The following ADARB2 variants were observed in gnomAD, a reference collection of about 807,000 sequenced individuals.
The protein encoded by ADARB2 is adenosine deaminase RNA specific B2 (inactive).
ADARB2 carries 25 observed loss-of-function variants against 62.2 expected under a neutral mutation model. The ratio of observed to expected loss-of-function variants is 0.40; its 90% CI spans 0.29 to 0.56. The LOEUF (loss-of-function observed/expected upper bound fraction) is 0.56. Ranked by LOEUF, ADARB2 falls within the 20% of genes least tolerant of loss-of-function variation. The pLI is 0.43. For missense variants in ADARB2, 1,071 were observed against 1,077.4 expected (o/e 0.99, Z 0.08); for synonymous variants, 572 against 500.8 (o/e 1.14, Z -1.90).
chr10:1,417,911 G>T (rs1832818591), intron 1 of ADARB2, among the ~76,000 whole-genome samples: 1 of 152,214 alleles, frequency 6.6e-6, no homozygotes, highest in Admixed American at 6.5e-5. Flanking sequence ...CAGACGCCAG[G>T]GTGCATGGGG....
intron 1 of ADARB2, among the ~76,000 whole-genome samples, chr10:1,626,786 C>T (rs1201250851): frequency 6.6e-6 from 1 of 152,010 alleles, no homozygotes; most frequent in Non-Finnish European, 1.5e-5. Context: ...TGAAGTGGCC[C>T]GATTGTTACA....
At chr10:1,336,086 A>G (rs1466145600) in intron 3 of ADARB2, among the ~76,000 whole-genome samples, 3 of 152,264 alleles carry the variant, frequency 2.0e-5, no homozygotes, top group Non-Finnish European at 4.4e-5. Flanking sequence ...AAGAAACTCT[A>G]ATATGCAAAC....
chr10:1,442,079 T>C (rs1830912556), intron 1 of ADARB2, among the ~76,000 whole-genome samples: 1 of 152,234 alleles, frequency 6.6e-6, no homozygotes, highest in Non-Finnish European at 1.5e-5. Context: ...AACTATAAAG[T>C]TAAATACCCC....
At chr10:1,380,732 C>T (rs181169351) in intron 1 of ADARB2, among the ~76,000 whole-genome samples, 4 of 152,228 alleles carry the variant, frequency 2.6e-5, no homozygotes, top group South Asian at 2.1e-4. Context: ...TTTGTTCTAC[C>T]GAACAAGAAT....
intron 1 of ADARB2, among the ~76,000 whole-genome samples, chr10:1,490,043 C>T (rs1022750527): frequency 3.9e-5 from 6 of 152,150 alleles, no homozygotes; most frequent in Admixed American, 1.3e-4. Context: ...CAGAAGCACA[C>T]GTTAGCTGTC....
intron 3 of ADARB2, chr10:1,292,971 G>GGAGGGAAGGAGAGAGGGAGGGGAGAGA (rs1239371803): frequency 5.8e-5 from 1 of 17,356 alleles, no homozygotes; most frequent in East Asian, 3.5e-3. Context: ...AGAGGGAGAG[G>GGAGGGAAGGAGAGAGGGAGGGGAGAGA]GAGGGAAGGA....
intron 1 of ADARB2, among the ~76,000 whole-genome samples, chr10:1,609,789 C>T (rs1833544664): frequency 6.6e-6 from 1 of 152,182 alleles, no homozygotes; most frequent in Non-Finnish European, 1.5e-5. Context: ...GAGTGTGTCG[C>T]CCTGTGTCTG....
In ADARB2 at chr10:1,533,738, C is replaced by T. The variant is rs568001286; in HGVS notation, c.101-154578G>A. Among the ~76,000 whole-genome samples the T allele has an allele frequency of 4.6e-5, 7 of 152,282 alleles. No individual in the cohort carries two copies. The South Asian group carries it at 6.2e-4, about 14-fold the overall frequency. ...TGAAAGGAATTTAGGAAAGATCTTA[C>T]GCATATTCCATTTCCTCCTCGGAGT... On this transcript the variant is annotated intron_variant, in intron 1 of 9. Transcript: ENST00000381312.
chr10:1,642,938 G>A (rs1199989833), intron 1 of ADARB2, among the ~76,000 whole-genome samples: 3 of 152,190 alleles, frequency 2.0e-5, no homozygotes, highest in Non-Finnish European at 2.9e-5. Flanking sequence ...CCTCCACCCC[G>A]CGGCCCCCTC....
In ADARB2 at chr10:1,439,577, C is replaced by G. The variant is rs575706314; in HGVS notation, c.101-60417G>C. Among the ~76,000 whole-genome samples, 159 of 90,698 alleles carry G rather than the reference C, an allele frequency of 1.8e-3. 2 individuals carry two copies. Among genetic ancestry groups the G allele is most frequent in the African/African-American group, 4.5e-3 (152 of 33,432 alleles). 59.5% of individuals were successfully genotyped at this position (90,698 alleles called of 152,430 possible). Reference sequence around the variant, plus strand: ...TGGAGGCAGGTCCTTCACTATGGGGCTCCTGAGTCTCTCCCAGGATGGAGG... The same window carrying G: ...TGGAGGCAGGTCCTTCACTATGGGGGTCCTGAGTCTCTCCCAGGATGGAGG... On this transcript the variant is annotated intron_variant, in intron 1 of 9. Coordinates refer to ENST00000381312, the MANE Select transcript of ADARB2 (RefSeq NM_018702.4).
chr10:1,444,874 T>C (rs1032575581), intron 1 of ADARB2, among the ~76,000 whole-genome samples: 10 of 136,972 alleles, frequency 7.3e-5, no homozygotes, highest in Admixed American at 5.1e-4. Context: ...CATCCATCCA[T>C]CTATCCATCC....
chr10:1,335,678 G>A (rs938940862), intron 3 of ADARB2, among the ~76,000 whole-genome samples: 1 of 152,086 alleles, frequency 6.6e-6, no homozygotes, highest in African/African-American at 2.4e-5. Flanking sequence ...TAAAACCTGA[G>A]GAACATTTTG....
At chr10:1,548,994 T>C (rs957535824) in intron 1 of ADARB2, among the ~76,000 whole-genome samples, 4 of 152,192 alleles carry the variant, frequency 2.6e-5, no homozygotes, top group Non-Finnish European at 4.4e-5. Flanking sequence ...TTTGTCATTG[T>C]TCTTGAATTA....
rs1239559030 is a variant in ADARB2, at chr10:1,183,140, C to T, written c.*53G>A. ...GACCCGCCACGTCGCCCCCCAGACACGGTCCCATCCCTCCAGCGTCCCGCT... is the reference window on the plus strand; with the variant it reads ...GACCCGCCACGTCGCCCCCCAGACATGGTCCCATCCCTCCAGCGTCCCGCT... On this transcript the variant is annotated 3_prime_UTR_variant, in exon 10 of 10. Coordinates refer to ENST00000381312, the MANE Select transcript of ADARB2 (RefSeq NM_018702.4). The T allele has an allele frequency of 3.1e-5, 49 of 1,578,926 alleles. No homozygotes were observed. Among genetic ancestry groups the T allele is most frequent in the African/African-American group, 1.2e-4 (9 of 74,022 alleles).
rs542125198 is a variant in ADARB2 at position 1,338,161 on chromosome 10, G to A, written c.1077+24867C>T. Reference sequence around the variant, plus strand: ...ATTGCCCAAACTCTACAGACAGTTCGTTAAAAATAGGGAGTGTCTTAAGGA... The same window carrying A: ...ATTGCCCAAACTCTACAGACAGTTCATTAAAAATAGGGAGTGTCTTAAGGA... On this transcript the variant is annotated intron_variant, in intron 3 of 9. Transcript: ENST00000381312. 6.6e-5 allele frequency among the ~76,000 whole-genome samples: 10 copies of A among 152,314 alleles called. No homozygotes were observed. In the South Asian group the frequency reaches 1.7e-3, roughly 25 times the overall value.
At chr10:1,726,329 G>A (rs1221479291) in intron 1 of ADARB2, among the ~76,000 whole-genome samples, 2 of 152,044 alleles carry the variant, frequency 1.3e-5, no homozygotes, top group Admixed American at 1.3e-4. Flanking sequence ...ATAGTTGGAT[G>A]ATGGGTGATT....
intron 1 of ADARB2, among the ~76,000 whole-genome samples, chr10:1,551,419 C>T (rs1832620757): frequency 6.6e-6 from 1 of 152,170 alleles, no homozygotes; most frequent in Non-Finnish European, 1.5e-5. Flanking sequence ...TAAAGTCCTT[C>T]TCACCTTCAC....
intron 1 of ADARB2, among the ~76,000 whole-genome samples, chr10:1,475,228 C>T (rs1189119635): frequency 6.6e-6 from 1 of 152,234 alleles, no homozygotes; most frequent in African/African-American, 2.4e-5. Flanking sequence ...AGGTCTCCCG[C>T]TGCTGCTCTA....
chr10:1,326,503 A>G (rs1302105118), intron 3 of ADARB2, among the ~76,000 whole-genome samples: 2 of 152,354 alleles, frequency 1.3e-5, no homozygotes, highest in East Asian at 1.9e-4. Context: ...ATGAACTCTG[A>G]AAAGTAACCA....
Sources: allele counts gnomAD v4.1 joint callset (sites outside exome capture counted in the v4.1 genomes callset), GRCh38; gene constraint gnomAD v4.1.1; transcripts MANE v1.5; gene names NCBI Gene and HGNC (gene_info 2026-07-23, HGNC 2026-07-21).